Variants in MOB1A observed in about 807,000 individuals in gnomAD.
MOB1A encodes MOB1 Mps One Binder homolog A.
In MOB1A, 10 loss-of-function variants were observed where a neutral mutation model predicts 25.1. The observed-to-expected ratio is 0.40, with a 90% CI of 0.25 to 0.68. The LOEUF (loss-of-function observed/expected upper bound fraction) is 0.68, where lower values mean the gene tolerates loss of function less well. Ranked by LOEUF, MOB1A falls within the 30% of genes least tolerant of loss-of-function variation. The pLI is 0.40. For synonymous variants in MOB1A, 81 were observed against 79.5 expected (o/e 1.02, Z -0.10); for missense variants, 177 against 256.3 (o/e 0.69, Z 2.11).
At position 74,154,326 on chromosome 2, in the gene MOB1A, G is replaced by A. The variant is rs1692744046; in HGVS notation, c.*2242C>T. The stretch of plus-strand genomic sequence containing the variant: ...TTCTCCTCCTCCCCTTGGCTCCCTA[G>A]CCTTGGAGGTAAACACTAATATTTC... On this transcript the variant is annotated 3_prime_UTR_variant, in exon 6 of 6. Coordinates refer to ENST00000396049, the MANE Select transcript of MOB1A (RefSeq NM_018221.5). 1 of 152,014 alleles carries A rather than the reference G, an allele frequency of 6.6e-6. No individual in the cohort carries two copies. The highest frequency in any genetic ancestry group is 1.5e-5 in the Non-Finnish European group (1 of 68,022). The allele number at this position is 152,014 out of a possible 1,614,324, so 9.4% of individuals were successfully genotyped here.
chr2:74,176,083 T>TACACACACACACACACACACACAC (rs58496712), intron 1 of MOB1A, among the ~76,000 whole-genome samples: 1 of 129,264 alleles, frequency 7.7e-6, no homozygotes, highest in Non-Finnish European at 1.6e-5. Context: ...CCGCCTCTAC[T>TACACACACACACACACACACACAC]ACACACACAC....
chr2:74,162,612 TA>T (rs1693004962), intron 4 of MOB1A, among the ~76,000 whole-genome samples: 1 of 152,172 alleles, frequency 6.6e-6, no homozygotes, highest in Non-Finnish European at 1.5e-5. Context: ...TTAACAGATA[TA>T]TTCAAGCACA....
At chr2:74,177,336 G>C (rs1572970302) in intron 1 of MOB1A, among the ~76,000 whole-genome samples, 4 of 152,172 alleles carry the variant, frequency 2.6e-5, no homozygotes, top group Admixed American at 2.6e-4. Context: ...CTGGAGGACA[G>C]AGCGAAACTC....
intron 4 of MOB1A, chr2:74,164,082 A>T (rs1008616385): frequency 6.6e-6 from 1 of 152,224 alleles, no homozygotes; most frequent in African/African-American, 2.4e-5. Context: ...AGATAAAGAG[A>T]CTAAAACATG....
At chr2:74,160,835 G>C (rs1459663066) in intron 4 of MOB1A, among the ~76,000 whole-genome samples, 1 of 152,128 alleles carries the variant, frequency 6.6e-6, no homozygotes, top group African/African-American at 2.4e-5. Context: ...TTAGAAAACA[G>C]GGACAGACAG....
Position 74,159,243 on chromosome 2 carries a change from G to T in MOB1A, c.421C>A (p.Pro141Thr). The T allele has an allele frequency of 6.2e-7, 1 of 1,612,916 alleles. No homozygotes were observed. Among genetic ancestry groups the T allele is most frequent in the Non-Finnish European group, 8.5e-7 (1 of 1,179,530 alleles). ...TTTGCCACAGACATAAAGTTTTTGG[G>T]AAATGGGACACCTGCAATTAAATAC... ...LFPSKIGVPF[P>T]KNFMSVAKTI... Residue 141 changes from proline to threonine, a missense_variant, in exon 5 of 6, where the codon CCC (proline) becomes ACC (threonine). Physicochemically the swap from Pro to Thr is conservative, Grantham distance 38. Transcript: ENST00000396049.
At chr2:74,176,424 C>A (rs1450610650) in intron 1 of MOB1A, among the ~76,000 whole-genome samples, 1 of 150,740 alleles carries the variant, frequency 6.6e-6, no homozygotes, top group East Asian at 1.9e-4. Flanking sequence ...AGACTTGTAT[C>A]TAGAATGTAT....
At chr2:74,176,275 C>CAAAAAAAA (rs1201428854) in intron 1 of MOB1A, among the ~76,000 whole-genome samples, 3 of 29,618 alleles carry the variant, frequency 1.0e-4, no homozygotes, top group African/African-American at 4.7e-4. Flanking sequence ...GACCCTGTCT[C>CAAAAAAAA]AAAAAAAAAA....
Position 74,154,626 on chromosome 2 carries a change from G to C in MOB1A, c.*1942C>G, listed in dbSNP as rs139926344. 4 of 152,310 alleles carry C rather than the reference G, an allele frequency of 2.6e-5. No homozygotes were observed. Among genetic ancestry groups the C allele is most frequent in the Admixed American group, 6.5e-5 (1 of 15,300 alleles). 9.4% of individuals were successfully genotyped at this position (152,310 alleles called of 1,614,324 possible). On this transcript the variant is annotated 3_prime_UTR_variant, in exon 6 of 6. Coordinates refer to ENST00000396049, the MANE Select transcript of MOB1A (RefSeq NM_018221.5). ...TATTTGAAATACTAGAAATAATGAG[G>C]AAAGTACAAGCCTAGCTGAGAAACT...
chr2:74,162,678 T>A (rs988412010), intron 4 of MOB1A, among the ~76,000 whole-genome samples: 4 of 152,116 alleles, frequency 2.6e-5, no homozygotes, highest in African/African-American at 9.7e-5. Flanking sequence ...AATAGCAGAA[T>A]GGAAAAACTG....
At chr2:74,170,794 G>A (rs1572963819) in intron 2 of MOB1A, among the ~76,000 whole-genome samples, 2 of 151,630 alleles carry the variant, frequency 1.3e-5, no homozygotes, top group East Asian at 3.9e-4. Flanking sequence ...GGACGGGTGA[G>A]GTGGGAGGAT....
chr2:74,172,235 G>A (rs931164819), intron 2 of MOB1A, among the ~76,000 whole-genome samples: 3 of 152,206 alleles, frequency 2.0e-5, no homozygotes, highest in Non-Finnish European at 2.9e-5. Flanking sequence ...GTACTGCTGG[G>A]AGTGGAAGTA....
intron 5 of MOB1A, among the ~76,000 whole-genome samples, chr2:74,157,834 A>G (rs747921662): frequency 2.0e-5 from 3 of 152,124 alleles, no homozygotes; most frequent in African/African-American, 4.8e-5. Context: ...TATGATCCTC[A>G]TTGTGTTAAA....
Position 74,156,626 on chromosome 2 carries a change from C to G in MOB1A, c.593G>C (p.Arg198Thr). The G allele has an allele frequency of 6.4e-7, 1 of 1,554,294 alleles. No individual in the cohort carries two copies. Among genetic ancestry groups the G allele is most frequent in the African/African-American group, 1.4e-5 (1 of 73,400 alleles). ...TTCTTGAAGAGGTGCCAGCTCACGCCTATCAATCAGATTAAACTCCTAAAA... is the reference window on the plus strand; with the variant it reads ...TTCTTGAAGAGGTGCCAGCTCACGCGTATCAATCAGATTAAACTCCTAAAA... The part of the protein sequence containing the change: ...FFVQEFNLID[R>T]RELAPLQELI... The change falls in exon 6 of 6, where the codon AGG becomes ACG. Residue 198 changes from arginine (R) to threonine (T), a missense_variant. Arg to Thr is a moderately conservative substitution (Grantham distance 71). Transcript: ENST00000396049.
intron 2 of MOB1A, among the ~76,000 whole-genome samples, chr2:74,167,656 A>C (rs1284059181): frequency 6.6e-6 from 1 of 152,156 alleles, no homozygotes; most frequent in African/African-American, 2.4e-5. Flanking sequence ...AAGAGACAAA[A>C]CATGTTGTGG....
Position 74,153,020 on chromosome 2 carries a change from GACT to G in MOB1A, c.*3545_*3547del, listed in dbSNP as rs1368346660. The G allele has an allele frequency of 6.6e-6, 1 of 152,100 alleles. No individual in the cohort carries two copies. Among genetic ancestry groups the G allele is most frequent in the African/African-American group, 2.4e-5 (1 of 41,414 alleles). 9.4% of individuals were successfully genotyped at this position (152,100 alleles called of 1,614,324 possible). On this transcript the variant is annotated 3_prime_UTR_variant, in exon 6 of 6. Transcript: ENST00000396049. Reference sequence around the variant, plus strand: ...GAAAGCAAAAATAGGATGACCAAAGGACTACTATTTTACCTCTTTTCAGAACTC... The same window carrying G: ...GAAAGCAAAAATAGGATGACCAAAGGACTATTTTACCTCTTTTCAGAACTC...
At chr2:74,170,699 T>C (rs575026729) in intron 2 of MOB1A, among the ~76,000 whole-genome samples, 1 of 141,906 alleles carries the variant, frequency 7.0e-6, no homozygotes, top group Admixed American at 7.5e-5. Flanking sequence ...CGCGCCAGCC[T>C]GTGCGACAGA....
At chr2:74,167,241 G>A (rs1693156107) in intron 2 of MOB1A, 134 bp from the exon 3 acceptor site, 2 of 633,720 alleles carry the variant, frequency 3.2e-6, no homozygotes. Context: ...CAATGATACT[G>A]TAACTTGTAG....
At chr2:74,157,973 G>C (rs1488097349) in intron 5 of MOB1A, among the ~76,000 whole-genome samples, 1 of 151,988 alleles carries the variant, frequency 6.6e-6, no homozygotes, top group Non-Finnish European at 1.5e-5. Context: ...TTTGAGGTCA[G>C]GAGTTCGAGA....
Sources: gnomAD v4.1 joint callset for allele counts (sites outside exome capture counted in the v4.1 genomes callset) on GRCh38, gnomAD v4.1.1 for gene constraint, MANE v1.5 for transcripts, NCBI Gene and HGNC (gene_info 2026-07-23, HGNC 2026-07-21) for gene names.